The following CHRNE variants were observed in gnomAD, a reference collection of about 807,000 sequenced individuals.
CHRNE encodes cholinergic receptor nicotinic epsilon subunit, also known as acetylcholine receptor subunit epsilon.
In CHRNE, 58 loss-of-function variants were observed where a neutral mutation model predicts 56.5. The observed-to-expected ratio is 1.03, with a 90% CI of 0.83 to 1.28. The LOEUF (loss-of-function observed/expected upper bound fraction) is 1.28. Among genes scored for constraint, CHRNE ranks in the 50% most tolerant of loss-of-function variants. The pLI is 0.00. For missense variants in CHRNE, 793 were observed against 688.9 expected (o/e 1.15, Z -1.69); for synonymous variants, 385 against 297.9 (o/e 1.29, Z -3.01).
Position 4,902,802 on chromosome 17 carries a change from A to G in CHRNE, c.47-39T>C. 1 of 1,613,892 alleles carries G rather than the reference A, an allele frequency of 6.2e-7. No homozygotes were observed. Among genetic ancestry groups the G allele is most frequent in the Non-Finnish European group, 8.5e-7 (1 of 1,179,988 alleles). On this transcript the variant is annotated intron_variant, in intron 1 of 11. Coordinates refer to ENST00000649488, the MANE Select transcript of CHRNE (RefSeq NM_000080.4). The surrounding 1 kb of genome is among the most constrained non-coding windows in gnomAD (Gnocchi z 4.0). ...AAGAAGGAAGGGTCATTGGCAATGA[A>G]GAGGCTGGAGCACCTCTCTCCCCTC... is the stretch of plus-strand genomic sequence containing the variant.
Position 4,902,148 on chromosome 17 carries a change from T to A in CHRNE, c.345-61A>T. The A allele has an allele frequency of 1.2e-6, 2 of 1,611,700 alleles. No homozygotes were observed. The highest frequency in any genetic ancestry group is 1.7e-6 in the Non-Finnish European group (2 of 1,179,126). On this transcript the variant is annotated intron_variant, in intron 4 of 11. Transcript: ENST00000649488. This position sits in a 1 kb window ranked among gnomAD's most constrained non-coding sequence, Gnocchi z 4.0. ...TCTGCACCCTCTCAGAGTACCCCCTTCCCCAACCAAGTCCAGCCCGCACCC... is the reference window on the plus strand; with the variant it reads ...TCTGCACCCTCTCAGAGTACCCCCTACCCCAACCAAGTCCAGCCCGCACCC...
chr17:4,901,083 GGAT>G lies in CHRNE; in HGVS notation c.706_708del (p.Ile236del), dbSNP rs2151097320. 1.4e-5 allele frequency: 23 copies of G among 1,613,872 alleles called. No individual in the cohort carries two copies. Among genetic ancestry groups the G allele is most frequent in the Non-Finnish European group, 1.9e-5 (23 of 1,179,970 alleles). Reference sequence around the variant, plus strand: ...ATGACGTAGAAGAGCGGCTTCCGGCGGATGATGAGCGAGTAGATGACGTCAGTC... The same window carrying G: ...ATGACGTAGAAGAGCGGCTTCCGGCGGATGAGCGAGTAGATGACGTCAGTC... On this transcript the variant is annotated inframe_deletion, in exon 7 of 12. Coordinates refer to ENST00000649488, the MANE Select transcript of CHRNE (RefSeq NM_000080.4).
At chr17:4,907,778 G>A (rs1227923633), upstream of CHRNE, among the ~76,000 whole-genome samples, 7 of 151,968 alleles carry the variant, frequency 4.6e-5, no homozygotes, top group African/African-American at 1.5e-4. Flanking sequence ...GAGGTGGCTC[G>A]TGCCTGTAAT....
chr17:4,904,424 T>C (rs1397811440), upstream of CHRNE, among the ~76,000 whole-genome samples: 5 of 152,164 alleles, frequency 3.3e-5, no homozygotes, highest in Non-Finnish European at 5.9e-5. Context: ...TTATTTTAAA[T>C]TCAGATTCCT....
At chr17:4,904,831 T>A (rs1370531663), upstream of CHRNE, among the ~76,000 whole-genome samples, 1 of 152,172 alleles carries the variant, frequency 6.6e-6, no homozygotes, top group Non-Finnish European at 1.5e-5. Flanking sequence ...TAACAGAGTG[T>A]CCTCCTAGTC....
intron 8 of CHRNE, 110 bp from the exon 9 acceptor site, chr17:4,899,692 C>T (rs1279972206): frequency 6.8e-7 from 1 of 1,468,090 alleles, no homozygotes; most frequent in Admixed American, 2.0e-5. Context: ...GTTACGCCCT[C>T]CAGCTGCGCC....
rs1267439107 is a variant in CHRNE, at chr17:4,902,476, G to A, written c.208C>T (p.Leu70Phe). 5 of 1,614,084 alleles carry A rather than the reference G, an allele frequency of 3.1e-6. No homozygotes were observed. Among genetic ancestry groups the A allele is most frequent in the Non-Finnish European group, 4.2e-6 (5 of 1,180,046 alleles). The stretch of plus-strand genomic sequence containing the variant: ...ATTCCAATCCAGACGCTAGTGGTGA[G>A]AGTCTCCTCTTTTTCATTCTGCAGA... ...LISLNEKEET[L>F]TTSVWIGIDW... The change falls in exon 3 of 12, where the codon CTC becomes TTC. Residue 70 changes from leucine to phenylalanine, a missense_variant. Physicochemically the swap from Leu to Phe is conservative, Grantham distance 22 (BLOSUM62 0). Coordinates refer to ENST00000649488, the MANE Select transcript of CHRNE (RefSeq NM_000080.4). The surrounding 1 kb of genome is among the most constrained non-coding windows in gnomAD (Gnocchi z 4.0).
At chr17:4,900,077 C>A (rs1969925572) in intron 8 of CHRNE, 7 of 1,551,102 alleles carry the variant, frequency 4.5e-6, no homozygotes, top group Non-Finnish European at 6.1e-6. Context: ...TGCCCCGAAG[C>A]CCACCCTGGG....
chr17:4,897,984 T>TCC lies in CHRNE; in HGVS notation c.*750_*751dup, dbSNP rs536198075. On this transcript the variant is annotated 3_prime_UTR_variant, in exon 12 of 12. Transcript: ENST00000649488. ...GTGAGCAGCAAGTAACCCTTCTCCC[T>TCC]CCCCCCCCACCCCTCCTCAATGTAG... The TCC allele has an allele frequency of 3.1e-5, 2 of 64,340 alleles. No individual in the cohort carries two copies. The highest frequency in any genetic ancestry group is 1.7e-4 in the Admixed American group (1 of 5,934). 4.0% of individuals were successfully genotyped at this position (64,340 alleles called of 1,614,324 possible). A position where few individuals can be genotyped will look rare whatever the true frequency, so the allele number is the denominator to read the frequency against.
chr17:4,900,181 G>C, intron 8 of CHRNE: 1 of 1,544,346 alleles, frequency 6.5e-7, no homozygotes, highest in Middle Eastern at 1.7e-4. Flanking sequence ...CGCGGCGATC[G>C]GGTAGCGGGA....
chr17:4,901,208 G>T lies in CHRNE; in HGVS notation c.602-18C>A. The stretch of plus-strand genomic sequence containing the variant: ...GCCGTTCTCTGCGGGACGGGGGCAC[G>T]GTCAGCTGGCTGTCAGAGCGGGGCG... On this transcript the variant is annotated intron_variant, in intron 6 of 11. Transcript: ENST00000649488. 6.3e-7 allele frequency: 1 copy of T among 1,597,582 alleles called. No homozygotes were observed.
Position 4,902,390 on chromosome 17 carries a change from G to A in CHRNE, c.234+60C>T. ...TCCCACCTGGCGCTGCCTGGGAGGGGTTTGGGGGAAAAGGGGTGCCCTGGA... is the reference window on the plus strand; with the variant it reads ...TCCCACCTGGCGCTGCCTGGGAGGGATTTGGGGGAAAAGGGGTGCCCTGGA... On this transcript the variant is annotated intron_variant, in intron 3 of 11. Transcript: ENST00000649488. The surrounding 1 kb of genome is among the most constrained non-coding windows in gnomAD (Gnocchi z 4.0). 1.2e-6 allele frequency: 2 copies of A among 1,613,812 alleles called. No individual in the cohort carries two copies. Among genetic ancestry groups the A allele is most frequent in the Non-Finnish European group, 1.7e-6 (2 of 1,179,670 alleles).
chr17:4,905,010 C>T (rs956470913), upstream of CHRNE, among the ~76,000 whole-genome samples: 2 of 152,160 alleles, frequency 1.3e-5, no homozygotes, highest in Non-Finnish European at 1.5e-5. Flanking sequence ...CCAGAGCTTC[C>T]GCGTCAAGGC....
chr17:4,906,318 C>T (rs1375978579), upstream of CHRNE, among the ~76,000 whole-genome samples: 3 of 152,132 alleles, frequency 2.0e-5, no homozygotes, highest in Middle Eastern at 3.2e-3. Context: ...GCCCACTTCT[C>T]CTATATGTTT....
upstream of CHRNE, among the ~76,000 whole-genome samples, chr17:4,903,487 C>T (rs1013123808): frequency 2.0e-5 from 3 of 152,198 alleles, no homozygotes; most frequent in African/African-American, 7.2e-5. Context: ...CTCCCATTCT[C>T]ACCCATGTGG....
At chr17:4,905,799 T>C (rs1009759638), upstream of CHRNE, among the ~76,000 whole-genome samples, 1 of 150,986 alleles carries the variant, frequency 6.6e-6, no homozygotes, top group African/African-American at 2.4e-5. Context: ...AGACGGAGGT[T>C]GCAGTGAGCC....
At position 4,899,551 on chromosome 17, in the gene CHRNE, G is replaced by A; in HGVS notation, c.949C>T (p.Leu317Phe). Residue 317 changes from leucine (L) to phenylalanine (F), a missense_variant, in exon 9 of 12, where the codon CTC becomes TTC. Physicochemically the swap from Leu to Phe is conservative, Grantham distance 22. Coordinates refer to ENST00000649488, the MANE Select transcript of CHRNE (RefSeq NM_000080.4). ...ACGATGACGCAATTCATGACAATGA[G>A]CGTGGCGACCACCATGACGAAAATA... ...FLIFVMVVAT[L>F]IVMNCVIVLN... 6.3e-7 allele frequency: 1 copy of A among 1,598,058 alleles called. No homozygotes were observed. The highest frequency in any genetic ancestry group is 8.5e-7 in the Non-Finnish European group (1 of 1,173,438).
chr17:4,902,384 G>A lies in CHRNE; in HGVS notation c.235-58C>T. The A allele has an allele frequency of 6.2e-7, 1 of 1,613,726 alleles. No individual in the cohort carries two copies. The highest frequency in any genetic ancestry group is 8.5e-7 in the Non-Finnish European group (1 of 1,179,618). Reference sequence around the variant, plus strand: ...TGCATCTCCCACCTGGCGCTGCCTGGGAGGGGTTTGGGGGAAAAGGGGTGC... The same window carrying A: ...TGCATCTCCCACCTGGCGCTGCCTGAGAGGGGTTTGGGGGAAAAGGGGTGC... On this transcript the variant is annotated intron_variant, in intron 3 of 11. Coordinates refer to ENST00000649488, the MANE Select transcript of CHRNE (RefSeq NM_000080.4). This position sits in a 1 kb window ranked among gnomAD's most constrained non-coding sequence, Gnocchi z 4.0.
chr17:4,898,832 AGC>A lies in CHRNE; in HGVS notation c.1384_1385del (p.Ala462SerfsTer22). On this transcript the variant is annotated frameshift_variant, in exon 12 of 12. Transcript: ENST00000649488. LOFTEE classifies it high-confidence loss of function. Reference sequence around the variant, plus strand: ...TGGAGCCCACGCTGAAGAGCACCAGAGCGGCCCAGAAGCAGATGTTGTCAAGG... The same window carrying A: ...TGGAGCCCACGCTGAAGAGCACCAGAGGCCCAGAAGCAGATGTTGTCAAGG... ...NALDNICFWA[A>X]LVLFSVGSSL... The A allele has an allele frequency of 6.3e-7, 1 of 1,598,148 alleles. No homozygotes were observed. The highest frequency in any genetic ancestry group is 8.5e-7 in the Non-Finnish European group (1 of 1,173,156).
Sources: gnomAD v4.1 joint callset for allele counts (sites outside exome capture counted in the v4.1 genomes callset) on GRCh38, gnomAD v4.1.1 for gene constraint, Gnocchi (gnomAD v3.1) non-coding constraint, MANE v1.5 for transcripts, NCBI Gene and HGNC (gene_info 2026-07-23, HGNC 2026-07-21) for gene names.